Variants in TBCK observed in about 807,000 individuals in gnomAD.
The protein encoded by TBCK is TBC1 domain containing kinase.
Under a neutral mutation model 113.4 loss-of-function variants are expected in TBCK, and 99 were observed. The ratio of observed to expected loss-of-function variants is 0.87; its 90% CI spans 0.74 to 1.03. The LOEUF (loss-of-function observed/expected upper bound fraction) is 1.03. Ranked by LOEUF, TBCK falls within the 50% of genes least tolerant of loss-of-function variation. The pLI, the probability that TBCK is intolerant of heterozygous loss-of-function variation, is 0.00. For synonymous variants in TBCK, 369 were observed against 370.8 expected, an observed-to-expected ratio of 1.00 and a Z score of 0.05; for missense variants, 1,045 against 1,061.3, an observed-to-expected ratio of 0.98 and a Z score of 0.21.
chr4:106,218,164 A>C (rs1343555241), intron 19 of TBCK, among the ~76,000 whole-genome samples: 2 of 144,600 alleles, frequency 1.4e-5, no homozygotes, highest in African/African-American at 2.6e-5. Flanking sequence ...CTGGCTAGCC[A>C]TATGTAGAAA....
At chr4:106,098,149 T>C (rs1382007757) in intron 24 of TBCK, among the ~76,000 whole-genome samples, 1 of 152,096 alleles carries the variant, frequency 6.6e-6, no homozygotes, top group Admixed American at 6.5e-5. Context: ...TTTACTGCTT[T>C]CTGTATAATA....
intron 1 of TBCK, among the ~76,000 whole-genome samples, chr4:106,311,042 T>A (rs1318871372): frequency 6.6e-6 from 1 of 152,148 alleles, no homozygotes; most frequent in Non-Finnish European, 1.5e-5. Context: ...AAAATTTTTA[T>A]CTACTGGACA....
At chr4:106,130,944 T>TA (rs796997407) in intron 23 of TBCK, among the ~76,000 whole-genome samples, 1 of 152,174 alleles carries the variant, frequency 6.6e-6, no homozygotes, top group Non-Finnish European at 1.5e-5. Flanking sequence ...GCAGAGATGT[T>TA]AAAAAGATAA....
At chr4:106,144,469 A>T (rs891782521) in intron 23 of TBCK, among the ~76,000 whole-genome samples, 1 of 152,112 alleles carries the variant, frequency 6.6e-6, no homozygotes, top group African/African-American at 2.4e-5. Context: ...CCATGCTACT[A>T]TGAAATGGGG....
chr4:106,230,084 T>C (rs1758690147), intron 19 of TBCK, among the ~76,000 whole-genome samples: 1 of 151,982 alleles, frequency 6.6e-6, no homozygotes, highest in Non-Finnish European at 1.5e-5. Context: ...GCAATTTTGA[T>C]TGTGAAAAAC....
intron 3 of TBCK, among the ~76,000 whole-genome samples, chr4:106,282,341 TAACAA>T (rs1386391715): frequency 6.6e-6 from 1 of 152,024 alleles, no homozygotes; most frequent in Non-Finnish European, 1.5e-5. Flanking sequence ...TTATCTTTTT[TAACAA>T]AACAAACTTT....
chr4:106,213,058 G>C (rs1756353975), intron 19 of TBCK, among the ~76,000 whole-genome samples: 1 of 152,148 alleles, frequency 6.6e-6, no homozygotes, highest in Admixed American at 6.5e-5. Context: ...AGAGTTATCA[G>C]TTCATTTCTT....
intron 23 of TBCK, among the ~76,000 whole-genome samples, chr4:106,131,407 G>A (rs1004872345): frequency 6.6e-6 from 1 of 152,246 alleles, no homozygotes; most frequent in Non-Finnish European, 1.5e-5. Flanking sequence ...GAGGTTGGGA[G>A]TTTGAGACCA....
chr4:106,290,475 C>T (rs893260648), intron 3 of TBCK, among the ~76,000 whole-genome samples: 7 of 151,940 alleles, frequency 4.6e-5, no homozygotes, highest in East Asian at 3.9e-4. Context: ...CACACCCGGC[C>T]GGAATAATAT....
chr4:106,095,483 T>G lies in TBCK; in HGVS notation c.2570A>C (p.Glu857Ala). Residue 857 changes from glutamate (E) to alanine (A), a missense_variant and splice_region_variant, in exon 25 of 26, where the codon GAG (glutamate) becomes GCG (alanine). By Grantham distance (107) the Glu-to-Ala change is moderately radical. Transcript: ENST00000394708. ...IVGHVAKHTA[E>A]FAAHLVKMKY... ...TATGACATTTCTGAATATACTTACC[T>G]CAGCTGTGTGTTTTGCCACATGCCC... The G allele has an allele frequency of 6.2e-7, 1 of 1,613,468 alleles. No homozygotes were observed. The highest frequency in any genetic ancestry group is 8.5e-7 in the Non-Finnish European group (1 of 1,179,666).
At chr4:106,151,788 C>T (rs1448790426) in intron 23 of TBCK, among the ~76,000 whole-genome samples, 2 of 151,824 alleles carry the variant, frequency 1.3e-5, no homozygotes, top group African/African-American at 4.8e-5. Flanking sequence ...ATAGTTTTCA[C>T]TGTAGAGGTC....
intron 3 of TBCK, among the ~76,000 whole-genome samples, chr4:106,278,328 CA>C (rs1054801370): frequency 9.9e-5 from 15 of 151,936 alleles, no homozygotes. Flanking sequence ...GAGGCCGAGG[CA>C]GGTGGATTGC....
At chr4:106,065,322 C>T (rs1169785857) in intron 25 of TBCK, among the ~76,000 whole-genome samples, 2 of 151,960 alleles carry the variant, frequency 1.3e-5, no homozygotes, top group Non-Finnish European at 1.5e-5. Flanking sequence ...TGTATATATC[C>T]TGCTGGCATG....
intron 19 of TBCK, among the ~76,000 whole-genome samples, chr4:106,226,045 T>C (rs1259414686): frequency 6.6e-6 from 1 of 152,036 alleles, no homozygotes; most frequent in Non-Finnish European, 1.5e-5. Context: ...ATGCCTGTAG[T>C]CTCAGCTACT....
intron 3 of TBCK, among the ~76,000 whole-genome samples, chr4:106,291,392 G>A (rs1765696964): frequency 6.6e-6 from 1 of 152,128 alleles, no homozygotes; most frequent in African/African-American, 2.4e-5. Context: ...CAAAAAGAAA[G>A]CTTCATTTAA....
At chr4:106,298,383 G>T (rs1471548049) in intron 2 of TBCK, among the ~76,000 whole-genome samples, 1 of 151,840 alleles carries the variant, frequency 6.6e-6, no homozygotes, top group Non-Finnish European at 1.5e-5. Flanking sequence ...GGAGGCAGGC[G>T]GATCACGAGG....
chr4:106,305,465 G>C (rs1433400182), intron 2 of TBCK, among the ~76,000 whole-genome samples: 1 of 151,792 alleles, frequency 6.6e-6, no homozygotes, highest in African/African-American at 2.4e-5. Context: ...GTGGTCTAAA[G>C]TCCTTTATCC....
intron 23 of TBCK, among the ~76,000 whole-genome samples, chr4:106,145,572 C>T (rs1002240683): frequency 6.6e-6 from 1 of 152,030 alleles, no homozygotes; most frequent in South Asian, 2.1e-4. Flanking sequence ...TTTGATTTCC[C>T]AGTACATATA....
intron 1 of TBCK, among the ~76,000 whole-genome samples, chr4:106,313,180 A>G (rs1160810168): frequency 6.6e-6 from 1 of 152,220 alleles, no homozygotes; most frequent in Non-Finnish European, 1.5e-5. Context: ...CATTTCAGAC[A>G]GAAAAAACTG....
Sources: gnomAD v4.1 joint callset for allele counts (sites outside exome capture counted in the v4.1 genomes callset) on GRCh38, gnomAD v4.1.1 for gene constraint, MANE v1.5 for transcripts, NCBI Gene and HGNC (gene_info 2026-07-23, HGNC 2026-07-21) for gene names.